The following LHFPL3 variants were observed in gnomAD, a reference collection of about 807,000 sequenced individuals.
LHFPL3 encodes the protein LHFPL tetraspan subfamily member 3 protein.
Under a neutral mutation model 19.3 loss-of-function variants are expected in LHFPL3, and 5 were observed. That is an observed-to-expected ratio of 0.26 (90% CI 0.14 to 0.54). The LOEUF is 0.54. Among genes scored for constraint, LHFPL3 ranks in the 20% least tolerant of loss-of-function variants. LHFPL3 has a pLI of 0.94. For missense variants in LHFPL3, 249 were observed against 307.4 expected, an observed-to-expected ratio of 0.81 and a Z score of 1.42; for synonymous variants, 133 against 126.2, an observed-to-expected ratio of 1.05 and a Z score of -0.36.
intron 1 of LHFPL3, among the ~76,000 whole-genome samples, chr7:104,448,689 T>A (rs1023793573): frequency 2.0e-5 from 3 of 152,200 alleles, no homozygotes; most frequent in African/African-American, 7.2e-5. Flanking sequence ...TTGTAGATAT[T>A]TCTATTATGA....
At position 104,825,872 on chromosome 7, in the gene LHFPL3, A is replaced by G. The variant is rs1263720892; in HGVS notation, c.683-80315A>G. Among the ~76,000 whole-genome samples the G allele has an allele frequency of 2.0e-5, 3 of 151,920 alleles. 1 individual carries two copies. The highest frequency in any genetic ancestry group is 7.3e-5 in the African/African-American group (3 of 41,208). ...ATCCCGAGTTGAGTTAGCTCTCTTT[A>G]AAGAGTTTTTTTAGATGCCCCACCC... On this transcript the variant is annotated intron_variant, in intron 2 of 2. Coordinates refer to ENST00000424859, the MANE Select transcript of LHFPL3 (RefSeq NM_199000.3).
chr7:104,801,243 G>A (rs951363798), intron 2 of LHFPL3, among the ~76,000 whole-genome samples: 12 of 152,238 alleles, frequency 7.9e-5, no homozygotes, highest in African/African-American at 2.9e-4. Context: ...AAGCATGACC[G>A]AGCATAACAG....
chr7:104,609,036 G>T (rs971904001), intron 1 of LHFPL3, among the ~76,000 whole-genome samples: 16 of 152,306 alleles, frequency 1.1e-4, no homozygotes, highest in African/African-American at 3.8e-4. Flanking sequence ...GGAGGCTGAG[G>T]AGGGCGGATC....
chr7:104,863,093 T>G (rs972349009), intron 2 of LHFPL3, among the ~76,000 whole-genome samples: 2 of 152,194 alleles, frequency 1.3e-5, no homozygotes, highest in Non-Finnish European at 1.5e-5. Flanking sequence ...TCCTAATTAG[T>G]CATACAGCCC....
intron 1 of LHFPL3, among the ~76,000 whole-genome samples, chr7:104,416,827 A>G (rs1791631026): frequency 2.0e-5 from 3 of 152,218 alleles, no homozygotes; most frequent in Non-Finnish European, 4.4e-5. Flanking sequence ...TCTGGAGGCT[A>G]GAAGGTCCAA....
chr7:104,518,828 T>C (rs1320944780), intron 1 of LHFPL3, among the ~76,000 whole-genome samples: 7 of 151,046 alleles, frequency 4.6e-5, no homozygotes, highest in African/African-American at 1.7e-4. Flanking sequence ...GATAGATAGA[T>C]AGATAGATAG....
intron 1 of LHFPL3, among the ~76,000 whole-genome samples, chr7:104,439,973 T>G (rs1792183800): frequency 7.6e-6 from 1 of 132,360 alleles, no homozygotes; most frequent in Non-Finnish European, 1.5e-5. Context: ...ACCACCACAA[T>G]AAAATATATT....
At chr7:104,547,183 C>T (rs1354103191) in intron 1 of LHFPL3, among the ~76,000 whole-genome samples, 1 of 81,046 alleles carries the variant, frequency 1.2e-5, no homozygotes, top group South Asian at 4.8e-4. Context: ...TTGCAGTGAG[C>T]CGAGATTGCG....
chr7:104,351,864 C>CAGG (rs1562872225), intron 1 of LHFPL3, among the ~76,000 whole-genome samples: 15 of 152,106 alleles, frequency 9.9e-5, no homozygotes, highest in African/African-American at 3.4e-4. Context: ...TCTCTATATC[C>CAGG]TGTTACATCG....
In LHFPL3 at chr7:104,658,250, G is replaced by A. The variant is rs577767149; in HGVS notation, c.446-78425G>A. Among the ~76,000 whole-genome samples, 6 of 151,998 alleles carry A rather than the reference G, an allele frequency of 3.9e-5. No individual in the cohort carries two copies. The South Asian group carries it at 1.2e-3, about 32-fold the overall frequency. ...GTTCTGATTTCTTTTAAATATCTAGGTGCATTTCTAGATAAATTAGAAAGA... is the reference window on the plus strand; with the variant it reads ...GTTCTGATTTCTTTTAAATATCTAGATGCATTTCTAGATAAATTAGAAAGA... On this transcript the variant is annotated intron_variant, in intron 1 of 2. Coordinates refer to ENST00000424859, the MANE Select transcript of LHFPL3 (RefSeq NM_199000.3).
At chr7:104,879,386 G>C (rs751440581) in intron 2 of LHFPL3, among the ~76,000 whole-genome samples, 1 of 151,974 alleles carries the variant, frequency 6.6e-6, no homozygotes, top group Non-Finnish European at 1.5e-5. Context: ...ACTATGCTCT[G>C]GTCTGTGCAA....
intron 1 of LHFPL3, among the ~76,000 whole-genome samples, chr7:104,367,022 C>A (rs17137048): frequency 7.2e-5 from 11 of 151,976 alleles, no homozygotes; most frequent in Non-Finnish European, 1.6e-4. Context: ...TATGATTGTC[C>A]TGAAGCATGT....
intron 2 of LHFPL3, among the ~76,000 whole-genome samples, chr7:104,771,963 G>C (rs1333009874): frequency 1.3e-5 from 2 of 151,322 alleles, no homozygotes; most frequent in African/African-American, 2.4e-5. Context: ...CTGGACTATA[G>C]GTGTGTGCCA....
At chr7:104,828,238 A>T (rs1178601774) in intron 2 of LHFPL3, among the ~76,000 whole-genome samples, 1 of 151,956 alleles carries the variant, frequency 6.6e-6, no homozygotes, top group African/African-American at 2.4e-5. Flanking sequence ...TTTGAAAGAC[A>T]TAGTCAACTT....
intron 1 of LHFPL3, chr7:104,470,184 A>C (rs1033072395): frequency 4.9e-6 from 2 of 404,980 alleles, no homozygotes; most frequent in East Asian, 1.4e-4. Context: ...CTGGCCACAT[A>C]TTTTCAAAAG....
At chr7:104,734,860 T>C (rs762931611) in intron 1 of LHFPL3, among the ~76,000 whole-genome samples, 25 of 152,224 alleles carry the variant, frequency 1.6e-4, no homozygotes, top group Non-Finnish European at 2.5e-4. Context: ...TATCCACCTT[T>C]GGTCTTTGAT....
At chr7:104,636,941 G>A (rs1325679350) in intron 1 of LHFPL3, among the ~76,000 whole-genome samples, 1 of 152,134 alleles carries the variant, frequency 6.6e-6, no homozygotes, top group African/African-American at 2.4e-5. Flanking sequence ...TCTGTTTTTA[G>A]CTCTTTGAAG....
chr7:104,518,832 TAGATA>T (rs1793980364), intron 1 of LHFPL3, among the ~76,000 whole-genome samples: 1 of 150,690 alleles, frequency 6.6e-6, no homozygotes, highest in Admixed American at 6.6e-5. Flanking sequence ...GATAGATAGA[TAGATA>T]GATAGATAGA....
chr7:104,474,340 TG>T (rs1411961823), intron 1 of LHFPL3, among the ~76,000 whole-genome samples: 1 of 152,110 alleles, frequency 6.6e-6, no homozygotes, highest in African/African-American at 2.4e-5. Context: ...GAAAGGACAC[TG>T]TGTTAGGCCT....
Sources: allele counts gnomAD v4.1 joint callset (sites outside exome capture counted in the v4.1 genomes callset), GRCh38; gene constraint gnomAD v4.1.1; transcripts MANE v1.5; gene names NCBI Gene and HGNC (gene_info 2026-07-23, HGNC 2026-07-21).